Variants in CACNA2D3 observed in about 807,000 individuals in gnomAD.
CACNA2D3 encodes the protein voltage-dependent calcium channel subunit alpha-2/delta-3.
A neutral mutation model predicts 160.6 loss-of-function variants in CACNA2D3; 60 were observed. The observed-to-expected ratio is 0.37, with a 90% CI of 0.30 to 0.46. CACNA2D3 has a LOEUF of 0.46. CACNA2D3 is among the 20% of genes least tolerant of loss of function. CACNA2D3 has a pLI of 1.00. For missense variants in CACNA2D3, 1,205 were observed against 1,365.0 expected, an observed-to-expected ratio of 0.88 and a Z score of 1.85; for synonymous variants, 558 against 492.9, an observed-to-expected ratio of 1.13 and a Z score of -1.75.
In CACNA2D3 at chr3:54,499,872, T is replaced by C. The variant is rs182778618; in HGVS notation, c.382-3620T>C. 1.5e-4 allele frequency among the ~76,000 whole-genome samples: 23 copies of C among 152,272 alleles called. No individual in the cohort carries two copies. In the East Asian group the frequency reaches 4.4e-3, roughly 29 times the overall value. ...TAAGAAGAATGTGTATTCTTCTCTT[T>C]ATGGATGAAGTATTCTATAAATGTA... On this transcript the variant is annotated intron_variant, in intron 4 of 37. Coordinates refer to ENST00000474759, the MANE Select transcript of CACNA2D3 (RefSeq NM_018398.3).
chr3:54,439,342 A>G (rs1380925731), intron 4 of CACNA2D3, among the ~76,000 whole-genome samples: 6 of 130,958 alleles, frequency 4.6e-5, no homozygotes, highest in Non-Finnish European at 8.7e-5. Flanking sequence ...TTTGTGTGTG[A>G]AGATAGAGAA....
At chr3:54,330,845 G>C (rs1368163914) in intron 3 of CACNA2D3, among the ~76,000 whole-genome samples, 1 of 152,232 alleles carries the variant, frequency 6.6e-6, no homozygotes, top group Non-Finnish European at 1.5e-5. Context: ...CTGGGAGTCT[G>C]TCATTGCAGT....
intron 9 of CACNA2D3, among the ~76,000 whole-genome samples, chr3:54,618,831 C>T (rs540440683): frequency 6.6e-6 from 1 of 152,268 alleles, no homozygotes; most frequent in East Asian, 1.9e-4. Flanking sequence ...ATCACATTCC[C>T]CCTGGGTGTT....
chr3:54,542,640 C>T (rs1295684373), intron 5 of CACNA2D3, among the ~76,000 whole-genome samples: 1 of 152,068 alleles, frequency 6.6e-6, no homozygotes, highest in Non-Finnish European at 1.5e-5. Flanking sequence ...ACATGAAGGC[C>T]GGCAGACTCA....
rs540186232 is a variant in CACNA2D3 at position 54,615,833 on chromosome 3, G to A, written c.964-11954G>A. On this transcript the variant is annotated intron_variant, in intron 9 of 37. Transcript: ENST00000474759. ...GGCTGCACAGCAGGAGGTAAGTAGC[G>A]GGTGAGTGAGCAAGCATTACCACCT... 3.1e-4 allele frequency among the ~76,000 whole-genome samples: 47 copies of A among 152,264 alleles called. 1 individual carries two copies. The South Asian group carries it at 3.1e-3, about 10-fold the overall frequency.
At chr3:55,023,418 C>T (rs1217578246) in intron 35 of CACNA2D3, among the ~76,000 whole-genome samples, 2 of 152,160 alleles carry the variant, frequency 1.3e-5, no homozygotes, top group Non-Finnish European at 2.9e-5. Flanking sequence ...CATTTCTAGA[C>T]ATTTCATTTG....
At chr3:55,059,142 G>T (rs957471158) in intron 35 of CACNA2D3, among the ~76,000 whole-genome samples, 27 of 152,162 alleles carry the variant, frequency 1.8e-4, no homozygotes, top group African/African-American at 6.3e-4. Context: ...TACTTTTAAA[G>T]TGTACACTTT....
chr3:54,843,625 G>A (rs1360123931), intron 16 of CACNA2D3, among the ~76,000 whole-genome samples: 5 of 152,362 alleles, frequency 3.3e-5, no homozygotes, highest in African/African-American at 7.2e-5. Context: ...CTGTCACAAA[G>A]GAAAGCAACG....
At chr3:54,865,873 C>T (rs550842915) in intron 17 of CACNA2D3, among the ~76,000 whole-genome samples, 1 of 152,292 alleles carries the variant, frequency 6.6e-6, no homozygotes, top group African/African-American at 2.4e-5. Context: ...CTTCTTAGTG[C>T]AGCACTGTAA....
chr3:54,847,077 C>G (rs1192934009), intron 17 of CACNA2D3, among the ~76,000 whole-genome samples: 2 of 152,196 alleles, frequency 1.3e-5, no homozygotes, highest in Middle Eastern at 3.2e-3. Flanking sequence ...ATCATTTTTA[C>G]TGTCTCTGAA....
chr3:54,852,221 C>T (rs950785941), intron 17 of CACNA2D3, among the ~76,000 whole-genome samples: 9 of 152,164 alleles, frequency 5.9e-5, no homozygotes, highest in African/African-American at 2.2e-4. Context: ...GGGGCCTTGA[C>T]TTGATTGCCA....
chr3:54,487,876 G>T (rs549507546), intron 4 of CACNA2D3, among the ~76,000 whole-genome samples: 90 of 152,296 alleles, frequency 5.9e-4, no homozygotes, highest in Admixed American at 3.6e-3. Flanking sequence ...GCTAGTGGCT[G>T]TTGTATCAGA....
intron 11 of CACNA2D3, among the ~76,000 whole-genome samples, chr3:54,645,137 CTTA>C (rs1699609504): frequency 9.9e-5 from 15 of 152,170 alleles, no homozygotes; most frequent in Non-Finnish European, 1.8e-4. Flanking sequence ...CCTCAGGAAA[CTTA>C]CAATCATGGC....
chr3:54,745,693 C>T (rs1009713745), intron 11 of CACNA2D3, among the ~76,000 whole-genome samples: 6 of 152,162 alleles, frequency 3.9e-5, no homozygotes, highest in Non-Finnish European at 7.3e-5. Context: ...AACCCCAGGT[C>T]GTAGTCTCTG....
chr3:54,954,876 A>G (rs1701843162), intron 27 of CACNA2D3, among the ~76,000 whole-genome samples: 2 of 152,220 alleles, frequency 1.3e-5, no homozygotes, highest in South Asian at 4.1e-4. Context: ...GTTATTTCTC[A>G]GAGACAGCAT....
At chr3:54,239,800 T>C (rs2107405959) in intron 2 of CACNA2D3, among the ~76,000 whole-genome samples, 1 of 152,354 alleles carries the variant, frequency 6.6e-6, no homozygotes, top group Admixed American at 6.5e-5. Context: ...TTTTTCTTAG[T>C]TTCTAATCCT....
chr3:54,657,126 G>C (rs1699888121), intron 11 of CACNA2D3, among the ~76,000 whole-genome samples: 1 of 152,090 alleles, frequency 6.6e-6, no homozygotes, highest in African/African-American at 2.4e-5. Flanking sequence ...TTTGAGCCAG[G>C]ATGAGCCAGG....
At chr3:55,012,757 T>C (rs7629004) in intron 34 of CACNA2D3, among the ~76,000 whole-genome samples, 3,075 of 152,052 alleles carry the variant, frequency 0.02, 117 homozygotes, top group African/African-American at 0.07. Context: ...AACAAAGAAA[T>C]ATCCCACTCA....
At chr3:54,454,545 T>C (rs1700364610) in intron 4 of CACNA2D3, among the ~76,000 whole-genome samples, 1 of 152,186 alleles carries the variant, frequency 6.6e-6, no homozygotes, top group South Asian at 2.1e-4. Context: ...TGTACAGTGA[T>C]TAAATCTCGG....
Sources: gnomAD v4.1 joint callset for allele counts (sites outside exome capture counted in the v4.1 genomes callset) on GRCh38, gnomAD v4.1.1 for gene constraint, MANE v1.5 for transcripts, NCBI Gene and HGNC (gene_info 2026-07-23, HGNC 2026-07-21) for gene names.